The following XKR9 variants were observed in gnomAD, a reference collection of about 807,000 sequenced individuals.
XKR9 encodes XK related 9.
XKR9 carries 32 observed loss-of-function variants against 32.0 expected under a neutral mutation model. The observed-to-expected ratio is 1.00, with a 90% CI of 0.76 to 1.34. The LOEUF (loss-of-function observed/expected upper bound fraction) is 1.34. XKR9 is among the 40% of genes most tolerant of loss of function. The pLI is 0.00. For missense variants in XKR9, 546 were observed against 429.7 expected (o/e 1.27, Z -2.39); for synonymous variants, 168 against 143.4 (o/e 1.17, Z -1.22).
At chr8:71,026,790 G>C in the XKR9 span, among the ~76,000 whole-genome samples, 6 of 152,098 alleles carry the variant, frequency 3.9e-5, no homozygotes, top group Non-Finnish European at 8.8e-5. Context: ...AAGTCTGCTT[G>C]TTCTGTGTTA....
At chr8:70,718,318 GTTTTAC>G (rs1351093879) in intron 4 of XKR9, among the ~76,000 whole-genome samples, 1 of 128,006 alleles carries the variant, frequency 7.8e-6, no homozygotes, top group Non-Finnish European at 1.8e-5. Context: ...ATTTATTTTT[GTTTTAC>G]TTTAAGTTCT....
At chr8:71,040,850 A>C in the XKR9 span, among the ~76,000 whole-genome samples, 1 of 152,130 alleles carries the variant, frequency 6.6e-6, no homozygotes, top group Non-Finnish European at 1.5e-5. Flanking sequence ...GGAGGATTAG[A>C]TGGTTGGATT....
the XKR9 span, among the ~76,000 whole-genome samples, chr8:71,005,854 C>A: frequency 6.6e-6 from 1 of 152,186 alleles, no homozygotes; most frequent in Non-Finnish European, 1.5e-5. Flanking sequence ...AGGTGGCATT[C>A]TTGCTAACTT....
chr8:71,030,302 CT>C, the XKR9 span, among the ~76,000 whole-genome samples: 1 of 152,092 alleles, frequency 6.6e-6, no homozygotes, highest in Admixed American at 6.6e-5. Flanking sequence ...TTATATAGTC[CT>C]TTCCAGTTCA....
chr8:70,794,406 G>A (rs924144461), downstream of XKR9, among the ~76,000 whole-genome samples: 2 of 152,012 alleles, frequency 1.3e-5, no homozygotes, highest in Non-Finnish European at 2.9e-5. Flanking sequence ...GAAGTGGTGA[G>A]AATTAGCATC....
the XKR9 span, among the ~76,000 whole-genome samples, chr8:70,973,031 A>G: frequency 1.3e-5 from 2 of 152,120 alleles, no homozygotes; most frequent in Non-Finnish European, 2.9e-5. Flanking sequence ...AATAGCATCA[A>G]TAGGATTGAT....
At chr8:70,849,117 C>T in the XKR9 span, among the ~76,000 whole-genome samples, 1 of 152,182 alleles carries the variant, frequency 6.6e-6, no homozygotes, top group African/African-American at 2.4e-5. Context: ...GTACAGAACT[C>T]TCAACACAAG....
chr8:70,916,857 C>A, the XKR9 span, among the ~76,000 whole-genome samples: 1 of 149,868 alleles, frequency 6.7e-6, no homozygotes, highest in African/African-American at 2.4e-5. Context: ...TTATATCTTT[C>A]TGTGAAAAAG....
chr8:71,042,453 C>G, the XKR9 span, among the ~76,000 whole-genome samples: 3 of 152,108 alleles, frequency 2.0e-5, no homozygotes, highest in African/African-American at 7.2e-5. Flanking sequence ...TACATAAGCT[C>G]TCTGTGCCTC....
the XKR9 span, among the ~76,000 whole-genome samples, chr8:71,013,144 C>T: frequency 5.3e-5 from 8 of 152,214 alleles, no homozygotes; most frequent in South Asian, 4.2e-4. Context: ...TTTCGAAAAA[C>T]GAGCAGAAGC....
At chr8:70,868,509 C>T in the XKR9 span, among the ~76,000 whole-genome samples, 2 of 152,108 alleles carry the variant, frequency 1.3e-5, no homozygotes, top group Admixed American at 1.3e-4. Flanking sequence ...CCGAGCTCTA[C>T]ATTGGCCTCT....
the XKR9 span, among the ~76,000 whole-genome samples, chr8:70,959,492 G>A: frequency 9.2e-5 from 14 of 152,094 alleles, no homozygotes; most frequent in Admixed American, 6.5e-5. Context: ...CTTTTGGTTA[G>A]TTTGTTTGTA....
the XKR9 span, among the ~76,000 whole-genome samples, chr8:70,943,060 A>T: frequency 7.5e-6 from 1 of 132,846 alleles, no homozygotes; most frequent in African/African-American, 2.5e-5. Flanking sequence ...TTGTATTTTT[A>T]TTAGCAAATT....
the XKR9 span, among the ~76,000 whole-genome samples, chr8:70,953,000 C>T: frequency 6.6e-6 from 1 of 152,280 alleles, no homozygotes; most frequent in East Asian, 1.9e-4. Context: ...TTGTCAAGTT[C>T]GCACGGAGAA....
the XKR9 span, among the ~76,000 whole-genome samples, chr8:71,057,084 T>C: frequency 1.3e-5 from 2 of 152,232 alleles, no homozygotes; most frequent in Non-Finnish European, 2.9e-5. Flanking sequence ...AAAATTGTTC[T>C]GATGGGAAAG....
the XKR9 span, among the ~76,000 whole-genome samples, chr8:70,874,090 C>CT: frequency 2.0e-5 from 3 of 152,226 alleles, no homozygotes; most frequent in South Asian, 6.2e-4. Flanking sequence ...GGTATGTACT[C>CT]TTTTTTAAGA....
chr8:70,712,900 A>G (rs1372347346), intron 4 of XKR9, among the ~76,000 whole-genome samples: 2 of 152,188 alleles, frequency 1.3e-5, no homozygotes, highest in Non-Finnish European at 2.9e-5. Flanking sequence ...AATGGAAAAC[A>G]AAAGTTTGAC....
At chr8:70,936,671 T>C in the XKR9 span, among the ~76,000 whole-genome samples, 1 of 151,984 alleles carries the variant, frequency 6.6e-6, no homozygotes, top group Admixed American at 6.6e-5. Context: ...GAGCTGGGTC[T>C]CTTCCTGTTT....
chr8:70,830,005 C>T, the XKR9 span, among the ~76,000 whole-genome samples: 1 of 152,060 alleles, frequency 6.6e-6, no homozygotes, highest in African/African-American at 2.4e-5. Flanking sequence ...TTGTTTTGCT[C>T]ATCTAATTTT....
Sources: gnomAD v4.1 joint callset for allele counts (sites outside exome capture counted in the v4.1 genomes callset) on GRCh38, gnomAD v4.1.1 for gene constraint, MANE v1.5 for transcripts, NCBI Gene and HGNC (gene_info 2026-07-23, HGNC 2026-07-21) for gene names.